XIRP2: variants seen among roughly 807,000 people sequenced by gnomAD.
XIRP2 encodes xin actin-binding repeat-containing protein 2.
In XIRP2, 236 loss-of-function variants were observed where a neutral mutation model predicts 277.0. That is an observed-to-expected ratio of 0.85 (90% CI 0.77 to 0.95). XIRP2 has a LOEUF of 0.95. Ranked by LOEUF, XIRP2 falls within the 40% of genes least tolerant of loss-of-function variation. The probability of loss-of-function intolerance (pLI) is 0.00; values close to 1 mark genes in which losing one functional copy is unlikely to be tolerated. For synonymous variants in XIRP2, 1,490 were observed against 1,416.5 expected (o/e 1.05, Z -1.17); for missense variants, 4,640 against 4,157.5 (o/e 1.12, Z -3.19).
At chr2:167,092,318 G>C (rs76933076) in intron 2 of XIRP2, among the ~76,000 whole-genome samples, 2,631 of 152,050 alleles carry the variant, frequency 0.017, 32 homozygotes, top group Non-Finnish European at 0.028. Context: ...AATTGCAAAG[G>C]CTTCTTAATT....
intron 3 of XIRP2, among the ~76,000 whole-genome samples, chr2:167,172,996 A>G (rs548476898): frequency 6.6e-6 from 1 of 152,312 alleles, no homozygotes; most frequent in African/African-American, 2.4e-5. Flanking sequence ...AATTTGGGGA[A>G]CTAATAAATG....
At chr2:166,935,574 C>T (rs572737297) in intron 2 of XIRP2, among the ~76,000 whole-genome samples, 1 of 152,282 alleles carries the variant, frequency 6.6e-6, no homozygotes, top group Admixed American at 6.5e-5. Flanking sequence ...CTCCCCACTC[C>T]ATGATAGGCC....
chr2:166,894,386 A>C (rs1684186647), intron 1 of XIRP2, among the ~76,000 whole-genome samples: 3 of 152,112 alleles, frequency 2.0e-5, no homozygotes, highest in African/African-American at 7.2e-5. Context: ...TGTCAGCTCC[A>C]TGTATTTACT....
chr2:167,127,007 G>T (rs1691225036), intron 2 of XIRP2, among the ~76,000 whole-genome samples: 1 of 152,218 alleles, frequency 6.6e-6, no homozygotes, highest in South Asian at 2.1e-4. Context: ...AATTTACATT[G>T]CCATCTCTTT....
chr2:167,017,560 A>T (rs1320292055), intron 2 of XIRP2, among the ~76,000 whole-genome samples: 2 of 151,972 alleles, frequency 1.3e-5, no homozygotes, highest in Admixed American at 6.6e-5. Flanking sequence ...CTTGCTGGAA[A>T]TCAAGTTCTC....
intron 3 of XIRP2, among the ~76,000 whole-genome samples, chr2:167,200,989 G>A (rs1693668350): frequency 6.6e-6 from 1 of 151,874 alleles, no homozygotes; most frequent in African/African-American, 2.4e-5. Context: ...AGCCGGGTGT[G>A]GTGGCGGGTG....
chr2:167,100,436 C>G (rs1319100817), intron 2 of XIRP2, among the ~76,000 whole-genome samples: 1 of 152,080 alleles, frequency 6.6e-6, no homozygotes, highest in Admixed American at 6.6e-5. Context: ...GATATACTAG[C>G]CTGTCTAGGA....
chr2:167,067,538 G>C lies in XIRP2; in HGVS notation c.409-68371G>C, dbSNP rs543941548. 2.6e-5 allele frequency among the ~76,000 whole-genome samples: 4 copies of C among 152,168 alleles called. No individual in the cohort carries two copies. In the South Asian group the frequency reaches 8.3e-4, roughly 32 times the overall value. On this transcript the variant is annotated intron_variant, in intron 2 of 10. Transcript: ENST00000409195. ...AATGTTGCAAGTCACATAATTTGAT[G>C]GTTTCCCAGTTCATATAAAAGTTAC...
intron 2 of XIRP2, among the ~76,000 whole-genome samples, chr2:167,123,410 G>T (rs1484059791): frequency 1.3e-5 from 2 of 152,162 alleles, no homozygotes; most frequent in Admixed American, 1.3e-4. Context: ...TCTTATGCCT[G>T]TAAGGATAAA....
At chr2:166,995,030 C>T (rs1321964327) in intron 2 of XIRP2, among the ~76,000 whole-genome samples, 1 of 151,904 alleles carries the variant, frequency 6.6e-6, no homozygotes, top group African/African-American at 2.4e-5. Flanking sequence ...TACAGGTGCG[C>T]ACCACCTCGC....
chr2:166,996,333 C>T (rs946403698), intron 2 of XIRP2, among the ~76,000 whole-genome samples: 1 of 152,122 alleles, frequency 6.6e-6, no homozygotes, highest in Admixed American at 6.5e-5. Flanking sequence ...AAGTAAAATT[C>T]TAAAATGTCT....
chr2:166,912,500 G>C (rs964142417), intron 2 of XIRP2, among the ~76,000 whole-genome samples: 1 of 152,076 alleles, frequency 6.6e-6, no homozygotes, highest in African/African-American at 2.4e-5. Flanking sequence ...ATTCTAGTTA[G>C]CCATTAGTCT....
intron 5 of XIRP2, among the ~76,000 whole-genome samples, chr2:167,234,356 G>C (rs1694842433): frequency 6.6e-6 from 1 of 150,744 alleles, no homozygotes; most frequent in South Asian, 2.1e-4. Context: ...TGTTTCAAGG[G>C]AATTTCAAGC....
Position 167,244,632 on chromosome 2 carries a change from T to G in XIRP2, c.3240T>G (p.Thr1080=), listed in dbSNP as rs61748633. 0.052 allele frequency: 84,187 copies of G among 1,613,028 alleles called. 2,495 individuals carry two copies. Among genetic ancestry groups the G allele is most frequent in the East Asian group, 0.091 (4,056 of 44,808 alleles). Residue 1080 remains threonine, a synonymous_variant, in exon 9 of 11, where the codon ACT becomes ACG. Coordinates refer to ENST00000409195, the MANE Select transcript of XIRP2 (RefSeq NM_152381.6). ...FSDVEETESK[T]EQTRDIVKGD... Reference sequence around the variant, plus strand: ...ATGTGGAAGAAACAGAAAGTAAAACTGAACAAACTAGAGATATTGTTAAAG... The same window carrying G: ...ATGTGGAAGAAACAGAAAGTAAAACGGAACAAACTAGAGATATTGTTAAAG...
chr2:167,132,955 ATTTC>A (rs1352474685), intron 2 of XIRP2, among the ~76,000 whole-genome samples: 4 of 152,158 alleles, frequency 2.6e-5, no homozygotes, highest in African/African-American at 9.7e-5. Context: ...GGTGAAAAAC[ATTTC>A]TTTATTTTAT....
chr2:166,916,036 T>A (rs1374007055), intron 2 of XIRP2, among the ~76,000 whole-genome samples: 2 of 152,202 alleles, frequency 1.3e-5, no homozygotes, highest in African/African-American at 4.8e-5. Flanking sequence ...TGAACCTACA[T>A]GTGCATCAAT....
At chr2:167,054,191 G>C (rs1241255778) in intron 2 of XIRP2, among the ~76,000 whole-genome samples, 1 of 152,136 alleles carries the variant, frequency 6.6e-6, no homozygotes, top group East Asian at 1.9e-4. Flanking sequence ...ACTTAAAAAT[G>C]GAAAATGCAC....
chr2:167,064,460 A>G lies in XIRP2; in HGVS notation c.409-71449A>G, dbSNP rs576057342. The stretch of plus-strand genomic sequence containing the variant: ...TCTGCCTATCACATATATCTCAAAT[A>G]CATGCTTTAAACTATAAATTATCTT... On this transcript the variant is annotated intron_variant, in intron 2 of 10. Coordinates refer to ENST00000409195, the MANE Select transcript of XIRP2 (RefSeq NM_152381.6). 3.9e-5 allele frequency among the ~76,000 whole-genome samples: 6 copies of G among 152,030 alleles called. No individual in the cohort carries two copies. In the South Asian group the frequency reaches 1.2e-3, roughly 31 times the overall value.
chr2:167,155,242 T>G (rs373782912), intron 3 of XIRP2, among the ~76,000 whole-genome samples: 1 of 151,676 alleles, frequency 6.6e-6, no homozygotes, highest in Admixed American at 6.6e-5. Context: ...CCTAACTCAT[T>G]TTATGAGGCC....
Sources: allele counts gnomAD v4.1 joint callset (sites outside exome capture counted in the v4.1 genomes callset), GRCh38; gene constraint gnomAD v4.1.1; transcripts MANE v1.5; gene names NCBI Gene and HGNC (gene_info 2026-07-23, HGNC 2026-07-21).